Variants in SND1 observed in about 807,000 individuals in gnomAD.
SND1 encodes staphylococcal nuclease domain-containing protein 1.
In SND1, 38 loss-of-function variants were observed where a neutral mutation model predicts 121.7. The observed-to-expected ratio is 0.31, with a 90% CI of 0.24 to 0.41. The LOEUF (loss-of-function observed/expected upper bound fraction) is 0.41. SND1 is among the 10% of genes least tolerant of loss of function. The probability of loss-of-function intolerance (pLI) is 1.00; values close to 1 mark genes in which losing one functional copy is unlikely to be tolerated. For synonymous variants in SND1, 401 were observed against 447.4 expected, an observed-to-expected ratio of 0.90 and a Z score of 1.31; for missense variants, 868 against 1,184.6, an observed-to-expected ratio of 0.73 and a Z score of 3.92.
chr7:127,676,011 A>G (rs57693908), intron 1 of SND1, among the ~76,000 whole-genome samples: 2,604 of 152,286 alleles, frequency 0.017, 94 homozygotes, highest in African/African-American at 0.06. Flanking sequence ...GAGTTCCTTC[A>G]TGGTAAAGTT....
chr7:128,045,055 C>T (rs1792922839), intron 16 of SND1, among the ~76,000 whole-genome samples: 2 of 152,036 alleles, frequency 1.3e-5, no homozygotes, highest in Non-Finnish European at 2.9e-5. Flanking sequence ...ACATAGATAG[C>T]GTGGAAACTA....
At chr7:127,699,866 T>A (rs146219266) in intron 4 of SND1, among the ~76,000 whole-genome samples, 1 of 152,336 alleles carries the variant, frequency 6.6e-6, no homozygotes, top group East Asian at 1.9e-4. Context: ...ATGATGAGGA[T>A]GAGCAAAGGC....
chr7:127,909,146 T>G (rs1800405355), intron 14 of SND1, among the ~76,000 whole-genome samples: 1 of 152,236 alleles, frequency 6.6e-6, no homozygotes, highest in Non-Finnish European at 1.5e-5. Context: ...ACGATGTTTG[T>G]TTGATGGTAC....
At chr7:127,652,563 C>A (rs1795141163) in intron 1 of SND1, 112 bp downstream of exon 1, 1 of 877,314 alleles carries the variant, frequency 1.1e-6, no homozygotes, top group Non-Finnish European at 1.7e-6. Flanking sequence ...TTCCTCTGCC[C>A]CCTTCCTCAC....
intron 16 of SND1, chr7:127,999,637 G>A (rs1213171541): frequency 6.6e-6 from 1 of 152,112 alleles, no homozygotes; most frequent in Non-Finnish European, 1.5e-5. Context: ...AATTGAAGCT[G>A]GATGATGAGG....
intron 14 of SND1, among the ~76,000 whole-genome samples, chr7:127,916,608 GAACA>G (rs1800585435): frequency 6.6e-6 from 1 of 152,182 alleles, no homozygotes; most frequent in South Asian, 2.1e-4. Flanking sequence ...GGGAGTGTTT[GAACA>G]AACAGACTTT....
chr7:128,088,446 CTT>C lies in SND1; in HGVS notation c.2419-1020_2419-1019del, dbSNP rs1047161140. Among the ~76,000 whole-genome samples the C allele has an allele frequency of 8.0e-3, 640 of 80,142 alleles. 6 individuals carry two copies. The highest frequency in any genetic ancestry group is 0.028 in the African/African-American group (533 of 18,864). 52.6% of individuals were successfully genotyped at this position (80,142 alleles called of 152,430 possible). Reference sequence around the variant, plus strand: ...TGCACTCTGGCCAGTCCCTATCTCTCTTTTTTTTTTTTTTTTTTTTTTTTGAG... The same window carrying C: ...TGCACTCTGGCCAGTCCCTATCTCTCTTTTTTTTTTTTTTTTTTTTTTGAG... On this transcript the variant is annotated intron_variant, in intron 21 of 23. Transcript: ENST00000354725.
At chr7:127,758,969 G>A (rs908177873) in intron 10 of SND1, among the ~76,000 whole-genome samples, 37 of 152,112 alleles carry the variant, frequency 2.4e-4, no homozygotes, top group Admixed American at 2.1e-3. Context: ...TGGGAGCATC[G>A]CTTGAGCCCA....
intron 11 of SND1, among the ~76,000 whole-genome samples, chr7:127,815,521 G>T (rs1486851847): frequency 1.3e-5 from 2 of 152,030 alleles, no homozygotes; most frequent in African/African-American, 2.4e-5. Flanking sequence ...GAGGGGAGAA[G>T]AAGAGAAGGA....
At chr7:127,961,252 T>C (rs1395387747) in intron 15 of SND1, among the ~76,000 whole-genome samples, 1 of 152,244 alleles carries the variant, frequency 6.6e-6, no homozygotes, top group African/African-American at 2.4e-5. Flanking sequence ...TAGGAAGATC[T>C]AGTTGTAATA....
At chr7:127,770,667 T>TTA (rs1797498524) in intron 10 of SND1, among the ~76,000 whole-genome samples, 1 of 152,172 alleles carries the variant, frequency 6.6e-6, no homozygotes, top group Admixed American at 6.5e-5. Flanking sequence ...GCCTTACTCT[T>TTA]TAAATTTTCT....
intron 14 of SND1, among the ~76,000 whole-genome samples, chr7:127,922,484 A>G (rs1452043343): frequency 6.6e-6 from 1 of 152,010 alleles, no homozygotes; most frequent in Admixed American, 6.5e-5. Flanking sequence ...ATTTCTCAGT[A>G]TTGTACACTG....
intron 14 of SND1, among the ~76,000 whole-genome samples, chr7:127,906,676 T>C (rs1283640458): frequency 3.3e-5 from 5 of 152,104 alleles, no homozygotes; most frequent in Non-Finnish European, 7.4e-5. Context: ...CTGAGTTCAT[T>C]TCTAGTTCTG....
chr7:127,899,704 G>A (rs1270703637), intron 13 of SND1, among the ~76,000 whole-genome samples: 1 of 152,108 alleles, frequency 6.6e-6, no homozygotes, highest in African/African-American at 2.4e-5. Flanking sequence ...AAGTGATGTG[G>A]GAGTGGTGTG....
intron 13 of SND1, among the ~76,000 whole-genome samples, chr7:127,890,356 T>C (rs916682444): frequency 6.6e-6 from 1 of 152,170 alleles, no homozygotes; most frequent in African/African-American, 2.4e-5. Context: ...ATATTTTGCC[T>C]ATTATTTTAA....
At chr7:127,690,481 A>G (rs936121229) in intron 2 of SND1, among the ~76,000 whole-genome samples, 1 of 152,198 alleles carries the variant, frequency 6.6e-6, no homozygotes, top group Non-Finnish European at 1.5e-5. Context: ...AGATTCAGCC[A>G]CTTAAGAAAT....
chr7:127,778,131 A>G (rs1285333228), intron 10 of SND1, among the ~76,000 whole-genome samples: 1 of 152,094 alleles, frequency 6.6e-6, no homozygotes, highest in Non-Finnish European at 1.5e-5. Context: ...TCAAAACCAT[A>G]ACTGGTCATG....
chr7:127,736,820 C>T (rs1351197922), intron 10 of SND1, among the ~76,000 whole-genome samples: 1 of 152,184 alleles, frequency 6.6e-6, no homozygotes, highest in Non-Finnish European at 1.5e-5. Flanking sequence ...GGTACATCTT[C>T]TCCTGGGGAC....
intron 15 of SND1, among the ~76,000 whole-genome samples, chr7:127,944,187 A>G (rs1464976969): frequency 5.3e-5 from 8 of 152,352 alleles, no homozygotes; most frequent in African/African-American, 1.9e-4. Context: ...TAAGCTGTGA[A>G]GTCCATTGTT....
Sources: gnomAD v4.1 joint callset for allele counts (sites outside exome capture counted in the v4.1 genomes callset) on GRCh38, gnomAD v4.1.1 for gene constraint, MANE v1.5 for transcripts, NCBI Gene and HGNC (gene_info 2026-07-23, HGNC 2026-07-21) for gene names.